Variants in ACSL3 observed in about 807,000 individuals in gnomAD.
The protein encoded by ACSL3 is acyl-CoA synthetase long chain family member 3.
Under a neutral mutation model 84.7 loss-of-function variants are expected in ACSL3, and 34 were observed. The ratio of observed to expected loss-of-function variants is 0.40; its 90% CI spans 0.31 to 0.53. ACSL3 has a LOEUF of 0.53. Ranked by LOEUF, ACSL3 falls within the 20% of genes least tolerant of loss-of-function variation. The probability of loss-of-function intolerance (pLI) is 0.48; values close to 1 mark genes in which losing one functional copy is unlikely to be tolerated. For synonymous variants in ACSL3, 315 were observed against 299.4 expected (o/e 1.05, Z -0.54); for missense variants, 680 against 873.1 (o/e 0.78, Z 2.79).
At position 222,934,787 on chromosome 2, in the gene ACSL3, C is replaced by T. The variant is rs143500004; in HGVS notation, c.2005+100C>T. 97 of 1,273,476 alleles carry T rather than the reference C, an allele frequency of 7.6e-5. No homozygotes were observed. The African/African-American group carries it at 1.3e-3, about 17-fold the overall frequency. 78.9% of individuals were successfully genotyped at this position (1,273,476 alleles called of 1,614,324 possible). A position where few individuals can be genotyped will look rare whatever the true frequency, so the allele number is the denominator to read the frequency against. On this transcript the variant is annotated intron_variant, in intron 16 of 16. Coordinates refer to ENST00000357430, the MANE Select transcript of ACSL3 (RefSeq NM_004457.5). ...GGTTTAGGGTTCATTACTTTCTGCTCAGAAACCATTTCTACCGTTAGTATA... is the reference window on the plus strand; with the variant it reads ...GGTTTAGGGTTCATTACTTTCTGCTTAGAAACCATTTCTACCGTTAGTATA...
At chr2:222,876,791 T>C (rs190381107) in intron 1 of ACSL3, among the ~76,000 whole-genome samples, 51 of 151,720 alleles carry the variant, frequency 3.4e-4, no homozygotes, top group African/African-American at 1.2e-3. Context: ...GCTCACAGTC[T>C]GTTGTGGGGA....
At chr2:222,870,146 G>A (rs1175389755) in intron 1 of ACSL3, among the ~76,000 whole-genome samples, 1 of 151,418 alleles carries the variant, frequency 6.6e-6, no homozygotes, top group Non-Finnish European at 1.5e-5. Context: ...TGCTTTTGGG[G>A]GATGGAGAGG....
rs760672471 is a variant in ACSL3, at chr2:222,924,615, C to G, written c.1292+20C>G. The G allele has an allele frequency of 6.4e-7, 1 of 1,564,064 alleles. No individual in the cohort carries two copies. On this transcript the variant is annotated intron_variant, in intron 11 of 16. Coordinates refer to ENST00000357430, the MANE Select transcript of ACSL3 (RefSeq NM_004457.5). ...CGACAGGTAAGTAAAGACTCTCTACCTCCTTCTTTCTCCTCTTGATAATTT... is the reference window on the plus strand; with the variant it reads ...CGACAGGTAAGTAAAGACTCTCTACGTCCTTCTTTCTCCTCTTGATAATTT...
At chr2:222,927,731 C>T (rs765604455) in intron 12 of ACSL3, among the ~76,000 whole-genome samples, 3 of 152,150 alleles carry the variant, frequency 2.0e-5, no homozygotes, top group East Asian at 1.9e-4. Context: ...GGGCCTCATG[C>T]GTCCCTTTTA....
intron 4 of ACSL3, among the ~76,000 whole-genome samples, chr2:222,913,931 C>T (rs1696506989): frequency 6.6e-6 from 1 of 152,108 alleles, no homozygotes; most frequent in Non-Finnish European, 1.5e-5. Context: ...ATGTAGTAAG[C>T]ACTAATAAAG....
chr2:222,884,834 ATTG>A lies in ACSL3; in HGVS notation c.-206-2993_-206-2991del, dbSNP rs139664332. 4.5e-3 allele frequency among the ~76,000 whole-genome samples: 690 copies of A among 152,288 alleles called. 4 individuals are homozygous for A. Among genetic ancestry groups the A allele is most frequent in the Middle Eastern group, 0.027 (8 of 294 alleles). On this transcript the variant is annotated intron_variant, in intron 1 of 16. Transcript: ENST00000357430. The stretch of plus-strand genomic sequence containing the variant: ...ACAGTTCCCTTCGCGTTTACAAATA[ATTG>A]TTATTATTGCCTGCAGTTATTGTCT...
intron 15 of ACSL3, 47 bp downstream of exon 15, chr2:222,933,327 C>A: frequency 7.2e-7 from 1 of 1,380,986 alleles, no homozygotes; most frequent in Non-Finnish European, 1.0e-6. Flanking sequence ...TATTTGATGT[C>A]CATAGACATT....
At chr2:222,877,238 CTGGTTA>C (rs1695472209) in intron 1 of ACSL3, among the ~76,000 whole-genome samples, 1 of 152,120 alleles carries the variant, frequency 6.6e-6, no homozygotes. Flanking sequence ...TGGAATAGGA[CTGGTTA>C]TGGTTAAGAG....
chr2:222,920,121 A>G (rs1371866432), intron 7 of ACSL3, among the ~76,000 whole-genome samples: 1 of 152,150 alleles, frequency 6.6e-6, no homozygotes, highest in Non-Finnish European at 1.5e-5. Context: ...CAGAGGTCAG[A>G]TGACACAAGG....
rs1046032 is a variant in ACSL3 at position 222,930,732 on chromosome 2, T to A, written c.1652T>A (p.Phe551Tyr). 1.9e-6 allele frequency: 3 copies of A among 1,614,144 alleles called. No individual in the cohort carries two copies. The highest frequency in any genetic ancestry group is 2.7e-5 in the African/African-American group (2 of 75,052). ...GAAGCAAAAACAAAAGCTGATTTCT[T>A]TGAAGATGAAAATGGACAAAGGTGG... Reference protein sequence around the residue: ...KNEAKTKADFFEDENGQRWLC... With the variant: ...KNEAKTKADFYEDENGQRWLC... The change falls in exon 14 of 17, where the codon TTT becomes TAT. Residue 551 changes from phenylalanine to tyrosine, a missense_variant. By Grantham distance (22) the Phe-to-Tyr change is conservative. This residue lies in a region of ACSL3 where 347 missense variants were observed against 525.7 expected (regional missense o/e 0.66). Transcript: ENST00000357430.
intron 10 of ACSL3, among the ~76,000 whole-genome samples, chr2:222,923,500 T>C (rs1696793062): frequency 6.6e-6 from 1 of 152,218 alleles, no homozygotes; most frequent in African/African-American, 2.4e-5. Context: ...CACCTCCTTT[T>C]AAGCAAGCTG....
intron 16 of ACSL3, among the ~76,000 whole-genome samples, chr2:222,940,937 G>T (rs1174949473): frequency 6.6e-6 from 1 of 151,288 alleles, no homozygotes; most frequent in Non-Finnish European, 1.5e-5. Flanking sequence ...GTTTCGCTCT[G>T]TTGCCCAGGC....
chr2:222,916,544 T>C, intron 5 of ACSL3, 48 bp downstream of exon 5: 1 of 1,480,546 alleles, frequency 6.8e-7, no homozygotes, highest in Non-Finnish European at 9.0e-7. Context: ...AACTGATATT[T>C]ATTGAAATAC....
intron 3 of ACSL3, among the ~76,000 whole-genome samples, chr2:222,901,381 T>C (rs558231348): frequency 1.6e-4 from 24 of 152,364 alleles, no homozygotes; most frequent in Admixed American, 1.4e-3. Flanking sequence ...GATTTATTTC[T>C]GGATTCTTAA....
chr2:222,909,171 C>T, intron 4 of ACSL3, 21 bp downstream of exon 4: 7 of 1,579,024 alleles, frequency 4.4e-6, no homozygotes, highest in Non-Finnish European at 6.0e-6. Flanking sequence ...CTTTCATTGC[C>T]TTTGAATTCT....
At chr2:222,922,554 G>GTC (rs56044904) in intron 8 of ACSL3, among the ~76,000 whole-genome samples, 154 bp from the exon 9 acceptor site, 41 of 149,846 alleles carry the variant, frequency 2.7e-4, no homozygotes, top group South Asian at 4.2e-4. Context: ...GTTTTCACCT[G>GTC]TCTCTCTCTC....
intron 16 of ACSL3, among the ~76,000 whole-genome samples, chr2:222,935,400 G>A (rs918987039): frequency 6.6e-6 from 1 of 151,870 alleles, no homozygotes. Context: ...TTGAGATGAG[G>A]CCTCACTATG....
chr2:222,920,962 C>T, intron 7 of ACSL3: 1 of 496,636 alleles, frequency 2.0e-6, no homozygotes, highest in South Asian at 1.5e-5. Context: ...TCACTTTATT[C>T]AGGCCTTTGC....
chr2:222,902,048 TGTTACTTGTTAAATACATGC>T lies in ACSL3; in HGVS notation c.-41+1271_-41+1290del, dbSNP rs371956474. Among the ~76,000 whole-genome samples the T allele has an allele frequency of 1.1e-3, 169 of 152,098 alleles. 1 individual carries two copies. The highest frequency in any genetic ancestry group is 3.8e-3 in the African/African-American group (157 of 41,492). ...ACAATACCCAAATTTAACATATTTT[TGTTACTTGTTAAATACATGC>T]GTGTAAATATATTCACTTAAGTAAA... On this transcript the variant is annotated intron_variant, in intron 3 of 16. Coordinates refer to ENST00000357430, the MANE Select transcript of ACSL3 (RefSeq NM_004457.5).
Sources: gnomAD v4.1 joint callset for allele counts (sites outside exome capture counted in the v4.1 genomes callset) on GRCh38, gnomAD v4.1.1 for gene constraint, gnomAD v4.1.1 regional missense constraint, MANE v1.5 for transcripts, NCBI Gene and HGNC (gene_info 2026-07-23, HGNC 2026-07-21) for gene names.